SMAD9: variants seen among roughly 807,000 people sequenced by gnomAD.
SMAD9 encodes the protein SMAD family member 9.
SMAD9 carries 36 observed loss-of-function variants against 46.1 expected under a neutral mutation model. The observed-to-expected ratio is 0.78, with a 90% confidence interval of 0.60 to 1.03. SMAD9 has a LOEUF of 1.03. SMAD9 is among the 50% of genes least tolerant of loss of function. The pLI, the probability that SMAD9 is intolerant of heterozygous loss-of-function variation, is 0.00. For missense variants in SMAD9, 572 were observed against 599.8 expected, an observed-to-expected ratio of 0.95 and a Z score of 0.48; for synonymous variants, 245 against 237.1, an observed-to-expected ratio of 1.03 and a Z score of -0.31.
intron 3 of SMAD9, among the ~76,000 whole-genome samples, chr13:36,869,205 CATT>C (rs746543650): frequency 6.7e-6 from 1 of 150,316 alleles, no homozygotes; most frequent in Non-Finnish European, 1.5e-5. Flanking sequence ...GGTTGCACAA[CATT>C]ATGAATGCAC....
At chr13:36,917,395 T>C (rs988736049) in intron 1 of SMAD9, among the ~76,000 whole-genome samples, 2 of 116,788 alleles carry the variant, frequency 1.7e-5, no homozygotes, top group Non-Finnish European at 3.8e-5. Context: ...CATTTACTGT[T>C]TGCATTTTTT....
chr13:36,916,543 AC>A (rs1419911767), intron 1 of SMAD9, among the ~76,000 whole-genome samples: 1 of 138,086 alleles, frequency 7.2e-6, no homozygotes, highest in African/African-American at 2.4e-5. Context: ...TTCAGGAGGG[AC>A]CATGGGTTCA....
chr13:36,860,451 CTTTTTTTT>C (rs1195704304), intron 5 of SMAD9, among the ~76,000 whole-genome samples: 2 of 135,672 alleles, frequency 1.5e-5, no homozygotes, highest in East Asian at 4.4e-4. Context: ...ATTTTTTTAC[CTTTTTTTT>C]TTTTTTTTGA....
chr13:36,880,023 C>T (rs1041180796), intron 1 of SMAD9, 148 bp from the exon 2 acceptor site: 2 of 374,050 alleles, frequency 5.3e-6, no homozygotes, highest in Non-Finnish European at 1.0e-5. Context: ...GGCTGCGCCA[C>T]TGCACTCCAG....
rs146079335 is a variant in SMAD9 at position 36,864,518 on chromosome 13, G to A, written c.1003+1019C>T. Among the ~76,000 whole-genome samples, 495 of 152,094 alleles carry A rather than the reference G, an allele frequency of 3.3e-3. 2 individuals are homozygous for A. Among genetic ancestry groups the A allele is most frequent in the Admixed American group, 7.3e-3 (111 of 15,272 alleles). ...GATTCTTCTCCCCTCCCCTCGACCC[G>A]TTTCTGATTTTCTATTTTTCATTTA... On this transcript the variant is annotated intron_variant, in intron 5 of 6. Coordinates refer to ENST00000379826, the MANE Select transcript of SMAD9 (RefSeq NM_001127217.3).
intron 5 of SMAD9, among the ~76,000 whole-genome samples, chr13:36,860,112 A>C (rs542969616): frequency 1.3e-5 from 2 of 152,232 alleles, no homozygotes; most frequent in South Asian, 4.1e-4. Context: ...TTTGCCTTAA[A>C]TTCTTTCTTG....
intron 1 of SMAD9, among the ~76,000 whole-genome samples, chr13:36,885,618 T>C (rs1244033867): frequency 3.3e-5 from 5 of 151,968 alleles, no homozygotes; most frequent in African/African-American, 9.7e-5. Context: ...TAAATATCCA[T>C]GAAGGGTCAG....
intron 1 of SMAD9, among the ~76,000 whole-genome samples, chr13:36,894,951 C>T (rs1263717342): frequency 6.6e-6 from 1 of 152,156 alleles, no homozygotes; most frequent in African/African-American, 2.4e-5. Context: ...CACTCTCCTT[C>T]GCTTCCATGG....
Position 36,879,712 on chromosome 13 carries a change from C to G in SMAD9, c.-23G>C. On this transcript the variant is annotated 5_prime_UTR_variant, in exon 2 of 7. Transcript: ENST00000379826. Reference sequence around the variant, plus strand: ...CATAAGAGGCCACAGCAGGCTCCGGCGCGCACGGGAACCGCACAGCCCTTC... The same window carrying G: ...CATAAGAGGCCACAGCAGGCTCCGGGGCGCACGGGAACCGCACAGCCCTTC... The G allele has an allele frequency of 1.9e-6, 3 of 1,612,856 alleles. No individual in the cohort carries two copies. The highest frequency in any genetic ancestry group is 2.5e-6 in the Non-Finnish European group (3 of 1,180,022).
intron 1 of SMAD9, among the ~76,000 whole-genome samples, chr13:36,894,219 C>A (rs944791363): frequency 6.6e-6 from 1 of 152,166 alleles, no homozygotes; most frequent in Admixed American, 6.6e-5. Flanking sequence ...CCATAATTCC[C>A]ACATGTTGTG....
chr13:36,919,436 G>A (rs1163945915), intron 1 of SMAD9, among the ~76,000 whole-genome samples: 1 of 152,148 alleles, frequency 6.6e-6, no homozygotes, highest in Non-Finnish European at 1.5e-5. Flanking sequence ...CGAGCCCGGA[G>A]ACACTTCAAC....
At position 36,920,131 on chromosome 13, in the gene SMAD9, G is replaced by C. The variant is rs1203693707; in HGVS notation, c.-202C>G. On this transcript the variant is annotated 5_prime_UTR_variant, in exon 1 of 7. Coordinates refer to ENST00000379826, the MANE Select transcript of SMAD9 (RefSeq NM_001127217.3). Reference sequence around the variant, plus strand: ...GCGCACTCACTGCCTGGCTGCGCGCGCCCAGCGCCTGCAGGGCCCGGCGGC... The same window carrying C: ...GCGCACTCACTGCCTGGCTGCGCGCCCCCAGCGCCTGCAGGGCCCGGCGGC... 1.3e-5 allele frequency: 2 copies of C among 150,586 alleles called. No individual in the cohort carries two copies. Among genetic ancestry groups the C allele is most frequent in the African/African-American group, 4.9e-5 (2 of 40,984 alleles). 9.3% of individuals were successfully genotyped at this position (150,586 alleles called of 1,614,324 possible).
In SMAD9 at chr13:36,879,723, A is replaced by T. The variant is rs2058386081; in HGVS notation, c.-34T>A. 1.2e-6 allele frequency: 2 copies of T among 1,611,816 alleles called. No homozygotes were observed. The highest frequency in any genetic ancestry group is 1.7e-6 in the Non-Finnish European group (2 of 1,179,886). On this transcript the variant is annotated 5_prime_UTR_variant, in exon 2 of 7. Coordinates refer to ENST00000379826, the MANE Select transcript of SMAD9 (RefSeq NM_001127217.3). ...ACAGCAGGCTCCGGCGCGCACGGGA[A>T]CCGCACAGCCCTTCACGGCAAAGTG...
At chr13:36,910,309 T>A (rs1447931202) in intron 1 of SMAD9, among the ~76,000 whole-genome samples, 1 of 151,922 alleles carries the variant, frequency 6.6e-6, no homozygotes, top group Non-Finnish European at 1.5e-5. Flanking sequence ...ATAGTGAATA[T>A]GAGAAGAGGG....
At position 36,911,914 on chromosome 13, in the gene SMAD9, G is replaced by C. The variant is rs600274; in HGVS notation, c.-187+8202C>G. On this transcript the variant is annotated intron_variant, in intron 1 of 6. Coordinates refer to ENST00000379826, the MANE Select transcript of SMAD9 (RefSeq NM_001127217.3). The stretch of plus-strand genomic sequence containing the variant: ...GTAGAGATGGGGTTTCTCCATGTTG[G>C]TCAGGCTGGTCTTGAACTCCCAACC... 5.6e-3 allele frequency among the ~76,000 whole-genome samples: 854 copies of C among 152,146 alleles called. 6 individuals carry two copies. Among genetic ancestry groups the C allele is most frequent in the African/African-American group, 0.02 (822 of 41,532 alleles).
intron 1 of SMAD9, among the ~76,000 whole-genome samples, chr13:36,911,365 T>C (rs1268112623): frequency 2.0e-5 from 3 of 152,116 alleles, no homozygotes; most frequent in African/African-American, 4.8e-5. Context: ...CTAAAGCCCA[T>C]TGCTTTACTA....
chr13:36,859,210 TAC>T (rs2058155771), intron 5 of SMAD9, among the ~76,000 whole-genome samples: 1 of 152,180 alleles, frequency 6.6e-6, no homozygotes, highest in African/African-American at 2.4e-5. Flanking sequence ...TGAGAAGCCT[TAC>T]ATGTGTTCAG....
chr13:36,887,247 G>C (rs1010475381), intron 1 of SMAD9, among the ~76,000 whole-genome samples: 1 of 124,306 alleles, frequency 8.0e-6, no homozygotes, highest in Admixed American at 8.9e-5. Flanking sequence ...TTTTGAGATG[G>C]AGTCTTCCTC....
intron 1 of SMAD9, among the ~76,000 whole-genome samples, chr13:36,905,340 T>C (rs2058610210): frequency 6.6e-6 from 1 of 152,224 alleles, no homozygotes; most frequent in African/African-American, 2.4e-5. Flanking sequence ...ATTCTTATCC[T>C]GTTCAAAAGG....
Sources: allele counts gnomAD v4.1 joint callset (sites outside exome capture counted in the v4.1 genomes callset), GRCh38; gene constraint gnomAD v4.1.1; transcripts MANE v1.5; gene names NCBI Gene and HGNC (gene_info 2026-07-23, HGNC 2026-07-21).